Variants in FAIM2 observed in about 807,000 individuals in gnomAD.
The protein encoded by FAIM2 is Fas apoptotic inhibitory molecule 2.
Under a neutral mutation model 47.4 loss-of-function variants are expected in FAIM2, and 27 were observed. That is an observed-to-expected ratio of 0.57 (90% CI 0.42 to 0.78). The LOEUF is 0.78. FAIM2 is among the 30% of genes least tolerant of loss of function. The pLI, the probability that FAIM2 is intolerant of heterozygous loss-of-function variation, is 0.00. For missense variants in FAIM2, 311 were observed against 389.4 expected (o/e 0.80, Z 1.69); for synonymous variants, 156 against 159.3 (o/e 0.98, Z 0.16).
intron 10 of FAIM2, among the ~76,000 whole-genome samples, chr12:49,888,675 C>T (rs939499099): frequency 3.3e-5 from 5 of 152,278 alleles, no homozygotes; most frequent in East Asian, 1.9e-4. Flanking sequence ...CCCCACGTCC[C>T]GCCTGCCTGG....
At position 49,901,133 on chromosome 12, in the gene FAIM2, G is replaced by T; in HGVS notation, c.208C>A (p.Pro70Thr). 3 of 1,586,578 alleles carry T rather than the reference G, an allele frequency of 1.9e-6. No individual in the cohort carries two copies. Among genetic ancestry groups the T allele is most frequent in the Non-Finnish European group, 2.6e-6 (3 of 1,170,252 alleles). The change falls in exon 2 of 12, where the codon CCC becomes ACC. Residue 70 changes from proline (P) to threonine (T), a missense_variant. Coordinates refer to ENST00000320634, the MANE Select transcript of FAIM2 (RefSeq NM_012306.4). The stretch of plus-strand genomic sequence containing the variant: ...TTCCAGGAGCTGAAAGACTTACTGG[G>T]GTCCACATAGGCCCAGCTAGGGTGG... ...PLHPSWAYVD[P>T]SSSSSYDNGF...
intron 5 of FAIM2, among the ~76,000 whole-genome samples, chr12:49,891,655 A>G (rs1946901178): frequency 6.6e-6 from 1 of 151,942 alleles, no homozygotes; most frequent in Non-Finnish European, 1.5e-5. Flanking sequence ...AACCCTTATC[A>G]TTACCTGGAG....
At position 49,879,221 on chromosome 12, in the gene FAIM2, CATGTGTGT is replaced by C. The variant is rs1332161871; in HGVS notation, c.801+8157_801+8164del. Reference sequence around the variant, plus strand: ...ATGTATGTGTATGAGTGTGTATGTGCATGTGTGTATGTATGCATGCATGTGTGTGCATG... The same window carrying C: ...ATGTATGTGTATGAGTGTGTATGTGCATGTATGCATGCATGTGTGTGCATG... On this transcript the variant is annotated intron_variant, in intron 11 of 11. Coordinates refer to ENST00000320634, the MANE Select transcript of FAIM2 (RefSeq NM_012306.4). 2.3e-4 allele frequency among the ~76,000 whole-genome samples: 12 copies of C among 51,786 alleles called. 3 individuals carry two copies. The East Asian group carries it at 6.8e-3, about 29-fold the overall frequency. 34.0% of individuals were successfully genotyped at this position (51,786 alleles called of 152,430 possible).
At chr12:49,885,122 A>C (rs1190133679) in intron 11 of FAIM2, among the ~76,000 whole-genome samples, 2 of 152,198 alleles carry the variant, frequency 1.3e-5, no homozygotes, top group African/African-American at 4.8e-5. Flanking sequence ...TGCTTTGTAA[A>C]ACATAAAGGG....
rs768175411 is a variant in FAIM2 at position 49,897,936 on chromosome 12, G to A, written c.315+51C>T. 2.7e-5 allele frequency: 38 copies of A among 1,422,894 alleles called. No homozygotes were observed. The Admixed American group carries it at 5.9e-4, about 22-fold the overall frequency. The allele number at this position is 1,422,894 out of a possible 1,614,324, so 88.1% of individuals were successfully genotyped here. A position where few individuals can be genotyped will look rare whatever the true frequency, so the allele number is the denominator to read the frequency against. On this transcript the variant is annotated intron_variant, in intron 3 of 11. Coordinates refer to ENST00000320634, the MANE Select transcript of FAIM2 (RefSeq NM_012306.4). ...AGGGTTGGGCCAGGGACCTCTCCAG[G>A]GGCTCCCCCACTGAGGCTCCCAGTC...
At chr12:49,879,964 A>ATGTGTG (rs1555158361) in intron 11 of FAIM2, among the ~76,000 whole-genome samples, 1 of 44,690 alleles carries the variant, frequency 2.2e-5, no homozygotes, top group South Asian at 6.8e-4. Flanking sequence ...TTGTATGTGC[A>ATGTGTG]TGTGTGTGTA....
intron 5 of FAIM2, among the ~76,000 whole-genome samples, chr12:49,892,761 T>C (rs965076241): frequency 4.3e-4 from 66 of 152,218 alleles, no homozygotes; most frequent in African/African-American, 1.5e-3. Flanking sequence ...ATATTTCTGA[T>C]CTATATTTTC....
chr12:49,873,299 G>C (rs1815841), intron 11 of FAIM2, among the ~76,000 whole-genome samples: 2 of 152,114 alleles, frequency 1.3e-5, no homozygotes, highest in South Asian at 2.1e-4. Context: ...CCACGGTGTG[G>C]TTTTGAGGGT....
In FAIM2 at chr12:49,891,172, G is replaced by C. The variant is rs1592792007; in HGVS notation, c.435-58C>G. On this transcript the variant is annotated intron_variant, in intron 5 of 11. Transcript: ENST00000320634. ...AGCCTCTCCTGGGTCCCTCCCCCAA[G>C]ATCCCCTGCTTATGCCACTCTCTGC... 17 of 1,530,596 alleles carry C rather than the reference G, an allele frequency of 1.1e-5. No homozygotes were observed. In the East Asian group the frequency reaches 3.4e-4, roughly 30 times the overall value. 94.8% of individuals were successfully genotyped at this position (1,530,596 alleles called of 1,614,324 possible). A position where few individuals can be genotyped will look rare whatever the true frequency, so the allele number is the denominator to read the frequency against.
At chr12:49,896,903 T>C in intron 5 of FAIM2, 128 bp downstream of exon 5, 1 of 783,532 alleles carries the variant, frequency 1.3e-6, no homozygotes, top group Non-Finnish European at 2.3e-6. Flanking sequence ...GGAGGGGATC[T>C]GTGAGGACAG....
chr12:49,879,235 T>A lies in FAIM2; in HGVS notation c.801+8151A>T, dbSNP rs1946777967. ...GTGTGTATGTGCATGTGTGTATGTA[T>A]GCATGCATGTGTGTGCATGTGTGTA... On this transcript the variant is annotated intron_variant, in intron 11 of 11. Transcript: ENST00000320634. Among the ~76,000 whole-genome samples the A allele has an allele frequency of 1.6e-5, 2 of 128,698 alleles. 1 individual carries two copies. Among genetic ancestry groups the A allele is most frequent in the African/African-American group, 6.7e-5 (2 of 30,058 alleles). The allele number at this position is 128,698 out of a possible 152,430, so 84.4% of individuals were successfully genotyped here. A position where few individuals can be genotyped will look rare whatever the true frequency, so the allele number is the denominator to read the frequency against.
At chr12:49,900,272 C>T in intron 2 of FAIM2, 2 of 1,227,416 alleles carry the variant, frequency 1.6e-6, no homozygotes, top group Non-Finnish European at 2.1e-6. Flanking sequence ...GAGGCTCTGT[C>T]TGGGGCATTG....
chr12:49,879,810 G>GTATA (rs1217817201), intron 11 of FAIM2, among the ~76,000 whole-genome samples: 25 of 151,932 alleles, frequency 1.6e-4, no homozygotes, highest in Admixed American at 7.9e-4. Flanking sequence ...ATACGACTGT[G>GTATA]TATGTGCATG....
In FAIM2 at chr12:49,878,596, GTA is replaced by G. The variant is rs1491445051; in HGVS notation, c.802-7945_802-7944del. 1.8e-4 allele frequency among the ~76,000 whole-genome samples: 20 copies of G among 111,256 alleles called. 2 individuals are homozygous for G. The highest frequency in any genetic ancestry group is 3.7e-4 in the South Asian group (1 of 2,694). 73.0% of individuals were successfully genotyped at this position (111,256 alleles called of 152,430 possible). On this transcript the variant is annotated intron_variant, in intron 11 of 11. Transcript: ENST00000320634. ...CATGTGTATATGTACATGTGTATGT[GTA>G]TGTGTGCATGTGTATGTGTGCATAT...
At chr12:49,872,590 A>G (rs681957) in intron 11 of FAIM2, among the ~76,000 whole-genome samples, 13,920 of 152,184 alleles carry the variant, frequency 0.091, 687 homozygotes, top group East Asian at 0.16. Context: ...CCCTGGTGCA[A>G]TGCTCCCCCC....
chr12:49,882,817 T>C (rs147060154), intron 11 of FAIM2, among the ~76,000 whole-genome samples: 9 of 152,332 alleles, frequency 5.9e-5, no homozygotes, highest in African/African-American at 1.9e-4. Flanking sequence ...TACCAGGCCC[T>C]GTTCTGGGCA....
At position 49,897,566 on chromosome 12, in the gene FAIM2, C is replaced by T; in HGVS notation, c.333G>A (p.Leu111=). Reference sequence around the variant, plus strand: ...CAGCCAAGGTCACCAGCAGCTGAATCAGCAGGATGGTGTAGACCTGGGGGT... The same window carrying T: ...CAGCCAAGGTCACCAGCAGCTGAATTAGCAGGATGGTGTAGACCTGGGGGT... ...VFVRKVYTIL[L]IQLLVTLAVV... is the part of the protein sequence containing the mutation. The change falls in exon 4 of 12, where the codon CTG becomes CTA. Residue 111 remains leucine (L), a synonymous_variant. Transcript: ENST00000320634. 6.2e-7 allele frequency: 1 copy of T among 1,614,036 alleles called. No individual in the cohort carries two copies. The highest frequency in any genetic ancestry group is 8.5e-7 in the Non-Finnish European group (1 of 1,179,944).
At chr12:49,875,646 G>A (rs1236577661) in intron 11 of FAIM2, among the ~76,000 whole-genome samples, 1 of 152,180 alleles carries the variant, frequency 6.6e-6, no homozygotes, top group Admixed American at 6.5e-5. Flanking sequence ...GGTAGTGTAT[G>A]AAAGTGTATT....
intron 11 of FAIM2, among the ~76,000 whole-genome samples, chr12:49,872,992 C>T (rs938389437): frequency 2.6e-5 from 4 of 152,174 alleles, no homozygotes; most frequent in Non-Finnish European, 5.9e-5. Flanking sequence ...AGGACATGCA[C>T]GTGCTACTGA....
Sources: gnomAD v4.1 joint callset for allele counts (sites outside exome capture counted in the v4.1 genomes callset) on GRCh38, gnomAD v4.1.1 for gene constraint, MANE v1.5 for transcripts, NCBI Gene and HGNC (gene_info 2026-07-23, HGNC 2026-07-21) for gene names.